The following GLRA3 variants were observed in gnomAD, a reference collection of about 807,000 sequenced individuals.
The protein encoded by GLRA3 is glycine receptor subunit alpha-3.
Under a neutral mutation model 60.4 loss-of-function variants are expected in GLRA3, and 44 were observed. That is an observed-to-expected ratio of 0.73 (90% CI 0.57 to 0.94). GLRA3 has a LOEUF of 0.94. Ranked by LOEUF, GLRA3 falls within the 40% of genes least tolerant of loss-of-function variation. The pLI, the probability that GLRA3 is intolerant of heterozygous loss-of-function variation, is 0.00. For synonymous variants in GLRA3, 223 were observed against 192.9 expected (o/e 1.16, Z -1.29); for missense variants, 508 against 564.6 (o/e 0.90, Z 1.02).
rs1156712107 is a variant in GLRA3 at position 174,637,826 on chromosome 4, AAC to A, written c.*5958_*5959del. On this transcript the variant is annotated 3_prime_UTR_variant, in exon 10 of 10. Coordinates refer to ENST00000274093, the MANE Select transcript of GLRA3 (RefSeq NM_006529.4). ...TTTATTGCTGTTATAGGAAGACATTAACAGTTACTGAAAATAATATACATAGA... is the reference window on the plus strand; with the variant it reads ...TTTATTGCTGTTATAGGAAGACATTAAGTTACTGAAAATAATATACATAGA... 1.3e-5 allele frequency: 2 copies of A among 152,186 alleles called. No individual in the cohort carries two copies. Among genetic ancestry groups the A allele is most frequent in the African/African-American group, 4.8e-5 (2 of 41,458 alleles). 9.4% of individuals were successfully genotyped at this position (152,186 alleles called of 1,614,324 possible). A position where few individuals can be genotyped will look rare whatever the true frequency, so the allele number is the denominator to read the frequency against.
intron 8 of GLRA3, 58 bp from the exon 9 acceptor site, chr4:174,656,845 A>G (rs1002536929): frequency 1.5e-5 from 14 of 914,770 alleles, no homozygotes; most frequent in Admixed American, 3.5e-5. Context: ...CAATTCATAT[A>G]TGATTAAATA....
Position 174,682,860 on chromosome 4 carries a change from G to A in GLRA3, c.654C>T (p.Pro218=), listed in dbSNP as rs1477788774. Residue 218 remains proline, a synonymous_variant, in exon 6 of 10, where the codon CCC becomes CCT. Coordinates refer to ENST00000274093, the MANE Select transcript of GLRA3 (RefSeq NM_006529.4). ...PVQVAEGLTL[P]QFLLKEEKDL... is the part of the protein sequence containing the mutation. Reference sequence around the variant, plus strand: ...CTTTTTCTTCTTTCAACAGAAACTGGGGCAAAGTGAGTCCTTCTGCCACTT... The same window carrying A: ...CTTTTTCTTCTTTCAACAGAAACTGAGGCAAAGTGAGTCCTTCTGCCACTT... The A allele has an allele frequency of 6.2e-7, 1 of 1,611,984 alleles. No homozygotes were observed. Among genetic ancestry groups the A allele is most frequent in the Non-Finnish European group, 8.5e-7 (1 of 1,178,194 alleles).
chr4:174,662,020 G>C (rs1733466320), intron 7 of GLRA3, among the ~76,000 whole-genome samples: 1 of 152,136 alleles, frequency 6.6e-6, no homozygotes, highest in Admixed American at 6.5e-5. Flanking sequence ...GTGATTTGAG[G>C]TTGTAGCTGA....
Position 174,642,182 on chromosome 4 carries a change from C to T in GLRA3, c.*1604G>A. 3.5e-6 allele frequency: 3 copies of T among 858,638 alleles called. No individual in the cohort carries two copies. Among genetic ancestry groups the T allele is most frequent in the Non-Finnish European group, 4.2e-6 (3 of 714,418 alleles). The allele number at this position is 858,638 out of a possible 1,614,324, so 53.2% of individuals were successfully genotyped here. ...TTTAAAATGTTATTTTAAAAAATTACAATTGTATAAGCTGATGTACAATAA... is the reference window on the plus strand; with the variant it reads ...TTTAAAATGTTATTTTAAAAAATTATAATTGTATAAGCTGATGTACAATAA... On this transcript the variant is annotated 3_prime_UTR_variant, in exon 10 of 10. Transcript: ENST00000274093.
chr4:174,790,825 C>CAAAAAAAAAAA (rs751090125), intron 1 of GLRA3, among the ~76,000 whole-genome samples: 603 of 62,726 alleles, frequency 9.6e-3, no homozygotes, highest in Middle Eastern at 0.015. Flanking sequence ...CTAAAAAATA[C>CAAAAAAAAAAA]AAAAAAAAAA....
At chr4:174,687,586 G>T (rs574546545) in intron 5 of GLRA3, among the ~76,000 whole-genome samples, 1 of 152,272 alleles carries the variant, frequency 6.6e-6, no homozygotes, top group South Asian at 2.1e-4. Flanking sequence ...ATCTGAACTT[G>T]TCATGTTAAG....
At chr4:174,788,973 A>C in intron 1 of GLRA3, 30 bp from the exon 2 acceptor site, 1 of 1,456,596 alleles carries the variant, frequency 6.9e-7, no homozygotes, top group Non-Finnish European at 9.4e-7. Flanking sequence ...TATAGACTTT[A>C]CAAAAAGAAG....
chr4:174,796,468 G>T (rs1739572723), intron 1 of GLRA3, among the ~76,000 whole-genome samples: 1 of 151,934 alleles, frequency 6.6e-6, no homozygotes, highest in South Asian at 2.1e-4. Context: ...TTACACAAAA[G>T]AATTTATTGT....
At chr4:174,747,366 G>A (rs138491548) in intron 3 of GLRA3, among the ~76,000 whole-genome samples, 5 of 152,272 alleles carry the variant, frequency 3.3e-5, no homozygotes, top group East Asian at 1.9e-4. Context: ...GGGGTGGGGC[G>A]AGAATTCAGT....
chr4:174,654,256 G>C (rs1733117768), intron 9 of GLRA3, among the ~76,000 whole-genome samples: 1 of 152,048 alleles, frequency 6.6e-6, no homozygotes, highest in South Asian at 2.1e-4. Flanking sequence ...TTTATCCTTA[G>C]ACTATAGACT....
Position 174,663,918 on chromosome 4 carries a change from T to C in GLRA3, c.928-4721A>G, listed in dbSNP as rs377426408. Among the ~76,000 whole-genome samples the C allele has an allele frequency of 3.3e-5, 5 of 152,302 alleles. No individual in the cohort carries two copies. In the East Asian group the frequency reaches 5.8e-4, roughly 18 times the overall value. ...TGTCCACTGGAATCCTAGTTCTATATTCTGGAAGAATGCCTCCTCGGTATA... is the reference window on the plus strand; with the variant it reads ...TGTCCACTGGAATCCTAGTTCTATACTCTGGAAGAATGCCTCCTCGGTATA... On this transcript the variant is annotated intron_variant, in intron 7 of 9. Coordinates refer to ENST00000274093, the MANE Select transcript of GLRA3 (RefSeq NM_006529.4).
intron 4 of GLRA3, among the ~76,000 whole-genome samples, chr4:174,716,389 T>C (rs1359461313): frequency 6.6e-6 from 1 of 152,222 alleles, no homozygotes; most frequent in African/African-American, 2.4e-5. Context: ...AATTAGTATG[T>C]TGACATTCCA....
chr4:174,661,623 C>G (rs908449995), intron 7 of GLRA3, among the ~76,000 whole-genome samples: 1 of 152,138 alleles, frequency 6.6e-6, no homozygotes, highest in African/African-American at 2.4e-5. Context: ...GCTCCTGGTC[C>G]CATCCCCCAA....
At chr4:174,729,147 T>C (rs960036683) in intron 3 of GLRA3, among the ~76,000 whole-genome samples, 1 of 152,214 alleles carries the variant, frequency 6.6e-6, no homozygotes, top group African/African-American at 2.4e-5. Context: ...TGTTTAAAAC[T>C]TGCTGTTCCA....
At chr4:174,678,033 G>T (rs895427898) in intron 6 of GLRA3, among the ~76,000 whole-genome samples, 4 of 152,134 alleles carry the variant, frequency 2.6e-5, no homozygotes, top group African/African-American at 7.2e-5. Context: ...TAAAGTAAGT[G>T]CTAGAGGATA....
intron 2 of GLRA3, among the ~76,000 whole-genome samples, chr4:174,779,194 G>C (rs1374643221): frequency 6.6e-6 from 1 of 152,204 alleles, no homozygotes; most frequent in East Asian, 1.9e-4. Context: ...GCACCCCCCA[G>C]CAGGGGCACA....
In GLRA3 at chr4:174,799,281, A is replaced by G. The variant is rs139616257; in HGVS notation, c.72-10338T>C. Among the ~76,000 whole-genome samples, 1,430 of 152,358 alleles carry G rather than the reference A, an allele frequency of 9.4e-3. 7 individuals carry two copies. The highest frequency in any genetic ancestry group is 0.014 in the Middle Eastern group (4 of 294). ...AGGCCACTCAAATATTGAAAGTAGA[A>G]GCCTACACTTTAAAACAAACCAAAG... On this transcript the variant is annotated intron_variant, in intron 1 of 9. Transcript: ENST00000274093.
intron 2 of GLRA3, among the ~76,000 whole-genome samples, chr4:174,782,608 A>G (rs942215969): frequency 6.6e-6 from 1 of 152,184 alleles, no homozygotes; most frequent in African/African-American, 2.4e-5. Context: ...CTGATAAGCA[A>G]CTTCAGCAAA....
chr4:174,776,873 A>T (rs554056215), intron 2 of GLRA3, among the ~76,000 whole-genome samples: 1 of 152,314 alleles, frequency 6.6e-6, no homozygotes, highest in African/African-American at 2.4e-5. Context: ...GGTTTAAGAT[A>T]AAGAGGATTG....
Sources: gnomAD v4.1 joint callset for allele counts (sites outside exome capture counted in the v4.1 genomes callset) on GRCh38, gnomAD v4.1.1 for gene constraint, MANE v1.5 for transcripts, NCBI Gene and HGNC (gene_info 2026-07-23, HGNC 2026-07-21) for gene names.